The following NHSL1 variants were observed in gnomAD, a reference collection of about 807,000 sequenced individuals.
NHSL1 encodes NHS like 1.
In NHSL1, 48 loss-of-function variants were observed where a neutral mutation model predicts 95.0. The observed-to-expected ratio is 0.51, with a 90% confidence interval of 0.40 to 0.64. The LOEUF (loss-of-function observed/expected upper bound fraction) is 0.64, where lower values mean the gene tolerates loss of function less well. Ranked by LOEUF, NHSL1 falls within the 30% of genes least tolerant of loss-of-function variation. The pLI, the probability that NHSL1 is intolerant of heterozygous loss-of-function variation, is 0.00. For missense variants in NHSL1, 1,971 were observed against 2,077.7 expected, an observed-to-expected ratio of 0.95 and a Z score of 1.00; for synonymous variants, 783 against 833.9, an observed-to-expected ratio of 0.94 and a Z score of 1.05.
At chr6:138,591,074 C>A (rs1280619422) in intron 1 of NHSL1, among the ~76,000 whole-genome samples, 2 of 152,158 alleles carry the variant, frequency 1.3e-5, no homozygotes, top group Non-Finnish European at 2.9e-5. Flanking sequence ...AATACTGCCA[C>A]CTAGTGACTG....
intron 1 of NHSL1, among the ~76,000 whole-genome samples, chr6:138,516,674 G>C (rs941843668): frequency 6.6e-6 from 1 of 152,134 alleles, no homozygotes; most frequent in African/African-American, 2.4e-5. Context: ...TAGCTCTCTT[G>C]ACCAGGCTGG....
Position 138,520,280 on chromosome 6 carries a change from C to CTTT in NHSL1, c.17-23912_17-23910dup, listed in dbSNP as rs397888767. On this transcript the variant is annotated intron_variant, in intron 1 of 4. Coordinates refer to the NHSL1 transcript ENST00000342260. ...CTGGAATACGCTGCCTAGTTTAATT[C>CTTT]TTTTTTTTTTTTTTTTTTTTTTTTT... is the stretch of plus-strand genomic sequence containing the variant. 1.5e-3 allele frequency among the ~76,000 whole-genome samples: 123 copies of CTTT among 80,942 alleles called. 8 individuals are homozygous for CTTT. The highest frequency in any genetic ancestry group is 3.3e-3 in the African/African-American group (72 of 21,580). 53.1% of individuals were successfully genotyped at this position (80,942 alleles called of 152,430 possible).
At chr6:138,573,025 T>C (rs1238051707), upstream of NHSL1, among the ~76,000 whole-genome samples, 1 of 152,226 alleles carries the variant, frequency 6.6e-6, no homozygotes, top group African/African-American at 2.4e-5. Flanking sequence ...TACCTGTTAC[T>C]GTCACTCCTG....
intron 1 of NHSL1, among the ~76,000 whole-genome samples, chr6:138,688,913 C>T (rs753287032): frequency 3.3e-5 from 5 of 152,106 alleles, no homozygotes; most frequent in East Asian, 1.9e-4. Context: ...GTAATTGTCT[C>T]GATCACTTAC....
rs534763729 is a variant in NHSL1 at position 138,431,818 on chromosome 6, G to C, written c.2527C>G (p.His843Asp). 1 of 1,551,728 alleles carries C rather than the reference G, an allele frequency of 6.4e-7. No individual in the cohort carries two copies. Among genetic ancestry groups the C allele is most frequent in the African/African-American group, 1.4e-5 (1 of 73,178 alleles). ...CCACTGGATGGAGAAATGACTCTGT[G>C]TGACTTCTCTGGTGACATGATCTTT... The part of the protein sequence containing the change: ...KPKIMSPEKS[H>D]RVISPSSGYS... The change falls in exon 6 of 8, where the codon CAC (histidine) becomes GAC (aspartate). Residue 843 changes from histidine (H) to aspartate (D), a missense_variant. His to Asp is a moderately conservative substitution (Grantham distance 81, BLOSUM62 -1). This residue lies in a region of NHSL1 where 1,602 missense variants were observed against 1,654.5 expected (regional missense o/e 0.97). Transcript: ENST00000343505. The surrounding 1 kb of genome is among the most constrained non-coding windows in gnomAD (Gnocchi z 4.0).
intron 1 of NHSL1, among the ~76,000 whole-genome samples, chr6:138,588,018 C>T (rs548117735): frequency 3.9e-5 from 6 of 152,400 alleles, no homozygotes; most frequent in Middle Eastern, 3.4e-3. Flanking sequence ...TGGTGATGCT[C>T]GCCCCTTGGC....
intron 1 of NHSL1, among the ~76,000 whole-genome samples, chr6:138,518,392 G>A (rs1231582975): frequency 6.8e-6 from 1 of 147,286 alleles, no homozygotes; most frequent in African/African-American, 2.5e-5. Context: ...AATTACAGCA[G>A]GTTTTTTTTT....
rs1583476472 is a variant in NHSL1, at chr6:138,674,713, C to T, written c.96+17763G>A. 2.6e-5 allele frequency among the ~76,000 whole-genome samples: 4 copies of T among 152,160 alleles called. No individual in the cohort carries two copies. In the South Asian group the frequency reaches 8.3e-4, roughly 32 times the overall value. On this transcript the variant is annotated intron_variant, in intron 1 of 3. Coordinates refer to the NHSL1 transcript ENST00000491526. ...ACATGCCACATTTTCTTTATCCAGT[C>T]TATCACTGATGGGCATTTGGGTTGA...
intron 1 of NHSL1, 73 bp downstream of exon 1, chr6:138,499,156 CACAG>C (rs77869676): frequency 0.16 from 94,647 of 599,832 alleles, 2,748 homozygotes; most frequent in South Asian, 0.23. Flanking sequence ...CACACACACA[CACAG>C]ACACACAGGG....
rs769821744 is a variant in NHSL1, at chr6:138,672,320, G to C, written c.96+20156C>G. Reference sequence around the variant, plus strand: ...TAAGGAGAATACATTATTTTTTAAAGCGTGCAGTAACTATCAGTCAAGAAG... The same window carrying C: ...TAAGGAGAATACATTATTTTTTAAACCGTGCAGTAACTATCAGTCAAGAAG... On this transcript the variant is annotated intron_variant, in intron 1 of 3. Coordinates refer to the NHSL1 transcript ENST00000491526. Among the ~76,000 whole-genome samples, 41 of 152,136 alleles carry C rather than the reference G, an allele frequency of 2.7e-4. 1 individual carries two copies. The highest frequency in any genetic ancestry group is 3.4e-3 in the Middle Eastern group (1 of 290).
chr6:138,678,565 C>G (rs1785475989), intron 1 of NHSL1, among the ~76,000 whole-genome samples: 1 of 152,126 alleles, frequency 6.6e-6, no homozygotes. Context: ...TAAAAGTTCA[C>G]AAAAATTAAA....
In NHSL1 at chr6:138,511,383, TGAGA is replaced by T. The variant is rs145173760; in HGVS notation, c.17-15016_17-15013del. On this transcript the variant is annotated intron_variant, in intron 1 of 4. Coordinates refer to the NHSL1 transcript ENST00000342260. Reference sequence around the variant, plus strand: ...AAAGGTGAGGTAGACAAAAAACCACTGAGAGAGAGAGAGAGAGTGTGTGTGTGTA... The same window carrying T: ...AAAGGTGAGGTAGACAAAAAACCACTGAGAGAGAGAGAGTGTGTGTGTGTA... Among the ~76,000 whole-genome samples, 428 of 150,284 alleles carry T rather than the reference TGAGA, an allele frequency of 2.8e-3. 1 individual carries two copies. Among genetic ancestry groups the T allele is most frequent in the Middle Eastern group, 6.9e-3 (2 of 290 alleles).
chr6:138,684,211 C>CA lies in NHSL1; in HGVS notation c.96+8264dup, dbSNP rs34122069. Among the ~76,000 whole-genome samples the CA allele has an allele frequency of 7.5e-3, 977 of 129,860 alleles. 5 individuals are homozygous for CA. Among genetic ancestry groups the CA allele is most frequent in the African/African-American group, 0.018 (647 of 36,414 alleles). The allele number at this position is 129,860 out of a possible 152,430, so 85.2% of individuals were successfully genotyped here. ...TGGGAGACAGAGCAAGACTCCCTCTCAAAAAAAAAAAAAAAAATCCCTGCA... is the reference window on the plus strand; with the variant it reads ...TGGGAGACAGAGCAAGACTCCCTCTCAAAAAAAAAAAAAAAAAATCCCTGCA... On this transcript the variant is annotated intron_variant, in intron 1 of 3. Transcript: ENST00000491526.
At chr6:138,502,412 T>C (rs190645465), upstream of NHSL1, among the ~76,000 whole-genome samples, 134 of 152,022 alleles carry the variant, frequency 8.8e-4, 1 homozygote, top group African/African-American at 3.1e-3. Context: ...AATTTATACG[T>C]GCAACAGAAA....
chr6:138,692,937 ACGGGCGCG>A (rs137901631), upstream of NHSL1, among the ~76,000 whole-genome samples: 2,957 of 149,478 alleles, frequency 0.02, 76 homozygotes, highest in African/African-American at 0.067. This position sits in a 1 kb window ranked among gnomAD's most constrained non-coding sequence, Gnocchi z 4.0. Flanking sequence ...GGACGGACGG[ACGGGCGCG>A]CGGGCGAGCG....
chr6:138,609,532 C>T (rs550812314), intron 1 of NHSL1, among the ~76,000 whole-genome samples: 20 of 152,126 alleles, frequency 1.3e-4, no homozygotes, highest in South Asian at 2.1e-4. Context: ...GGGCGGATCA[C>T]GAGGTCAAGA....
intron 2 of NHSL1, among the ~76,000 whole-genome samples, chr6:138,482,414 C>G (rs1403849945): frequency 1.4e-5 from 2 of 146,426 alleles, no homozygotes; most frequent in Non-Finnish European, 3.0e-5. Context: ...CCACTGCACT[C>G]CAGCCTGGGT....
intron 1 of NHSL1, among the ~76,000 whole-genome samples, chr6:138,580,266 A>G (rs139659914): frequency 1.9e-3 from 284 of 152,350 alleles, no homozygotes; most frequent in African/African-American, 6.4e-3. Flanking sequence ...CTAAAGCACA[A>G]AAGATAGGGC....
upstream of NHSL1, among the ~76,000 whole-genome samples, chr6:138,576,668 G>A (rs1347418415): frequency 1.3e-5 from 2 of 152,212 alleles, no homozygotes; most frequent in South Asian, 2.1e-4. Context: ...CAGAGCCTCT[G>A]TGGAAGGGCT....
Sources: allele counts gnomAD v4.1 joint callset (sites outside exome capture counted in the v4.1 genomes callset), GRCh38; gene constraint gnomAD v4.1.1; regional missense constraint gnomAD v4.1.1; non-coding constraint Gnocchi (gnomAD v3.1); transcripts MANE v1.5; gene names NCBI Gene and HGNC (gene_info 2026-07-23, HGNC 2026-07-21).